ERBB4: variants seen among roughly 807,000 people sequenced by gnomAD.
ERBB4 encodes receptor tyrosine-protein kinase erbB-4.
ERBB4 carries 42 observed loss-of-function variants against 158.0 expected under a neutral mutation model. The ratio of observed to expected loss-of-function variants is 0.27; its 90% CI spans 0.21 to 0.34. The LOEUF is 0.34. Ranked by LOEUF, ERBB4 falls within the 10% of genes least tolerant of loss-of-function variation. The pLI, the probability that ERBB4 is intolerant of heterozygous loss-of-function variation, is 1.00. For missense variants in ERBB4, 1,333 were observed against 1,624.1 expected, an observed-to-expected ratio of 0.82 and a Z score of 3.08; for synonymous variants, 583 against 558.7, an observed-to-expected ratio of 1.04 and a Z score of -0.61.
chr2:211,438,207 T>C (rs2063898748), intron 20 of ERBB4, among the ~76,000 whole-genome samples: 1 of 152,222 alleles, frequency 6.6e-6, no homozygotes, highest in Admixed American at 6.5e-5. Context: ...CTGAGGTTAC[T>C]GCTAGCTTTA....
At chr2:211,978,735 T>C (rs1386237646) in intron 2 of ERBB4, among the ~76,000 whole-genome samples, 1 of 152,182 alleles carries the variant, frequency 6.6e-6, no homozygotes, top group Admixed American at 6.5e-5. Context: ...AGTACCATAC[T>C]CAATTCCTCC....
chr2:211,675,127 A>C (rs1330063874), intron 13 of ERBB4, among the ~76,000 whole-genome samples: 1 of 151,906 alleles, frequency 6.6e-6, no homozygotes, highest in East Asian at 1.9e-4. Context: ...TCCTCTAGTG[A>C]TTCTATTGTG....
At chr2:211,538,827 A>G (rs1156334345) in intron 20 of ERBB4, among the ~76,000 whole-genome samples, 1 of 151,882 alleles carries the variant, frequency 6.6e-6, no homozygotes. Flanking sequence ...GTGAATATGA[A>G]TATGTGTATG....
chr2:212,380,283 GT>G lies in ERBB4; in HGVS notation c.82+158165del, dbSNP rs200646286. 7.3e-3 allele frequency among the ~76,000 whole-genome samples: 1,104 copies of G among 151,126 alleles called. 10 individuals are homozygous for G. The highest frequency in any genetic ancestry group is 0.01 in the Middle Eastern group (3 of 294). ...TTGACACTATTCTACATCTAATAAA[GT>G]TAAAAAAACTATTTAAATAGCAATT... On this transcript the variant is annotated intron_variant, in intron 1 of 27. Coordinates refer to ENST00000342788, the MANE Select transcript of ERBB4 (RefSeq NM_005235.3).
chr2:211,927,758 G>C (rs2125091371), intron 3 of ERBB4, among the ~76,000 whole-genome samples: 1 of 152,044 alleles, frequency 6.6e-6, no homozygotes, highest in East Asian at 1.9e-4. Flanking sequence ...CAGTTTATTG[G>C]CTAGTTGGTT....
chr2:212,375,985 AC>A (rs1239421898), intron 1 of ERBB4, among the ~76,000 whole-genome samples: 1 of 152,080 alleles, frequency 6.6e-6, no homozygotes, highest in African/African-American at 2.4e-5. Context: ...GCAGTGGCAG[AC>A]CCATCCACAT....
chr2:211,706,624 A>G (rs576549005), intron 9 of ERBB4, among the ~76,000 whole-genome samples: 1 of 151,980 alleles, frequency 6.6e-6, no homozygotes, highest in Non-Finnish European at 1.5e-5. Context: ...AACAAAAAAA[A>G]CTTTGCTTGA....
At chr2:212,371,656 T>G (rs534443859) in intron 1 of ERBB4, among the ~76,000 whole-genome samples, 61 of 152,318 alleles carry the variant, frequency 4.0e-4, no homozygotes, top group Non-Finnish European at 7.2e-4. Flanking sequence ...AGATGGTCAG[T>G]TAAGCAATTT....
At chr2:211,504,100 A>G (rs2065684508) in intron 20 of ERBB4, among the ~76,000 whole-genome samples, 2 of 152,252 alleles carry the variant, frequency 1.3e-5, no homozygotes, top group South Asian at 4.1e-4. Flanking sequence ...ACATCATTGT[A>G]CAGTGCTCAG....
chr2:212,435,107 A>G (rs2092109363), intron 1 of ERBB4, among the ~76,000 whole-genome samples: 1 of 152,020 alleles, frequency 6.6e-6, no homozygotes, highest in Non-Finnish European at 1.5e-5. Flanking sequence ...AATTGTTTTT[A>G]AAGCTATGAG....
chr2:211,621,742 CG>C (rs1166756907), intron 18 of ERBB4, among the ~76,000 whole-genome samples: 2 of 152,048 alleles, frequency 1.3e-5, no homozygotes, highest in Admixed American at 1.3e-4. Context: ...AATGGAAGTA[CG>C]TTATAATACA....
chr2:211,493,339 A>G (rs62178804), intron 20 of ERBB4, among the ~76,000 whole-genome samples: 12,250 of 152,140 alleles, frequency 0.081, 519 homozygotes, highest in Middle Eastern at 0.15. Flanking sequence ...TATTGAACAG[A>G]CAAAACAATA....
intron 3 of ERBB4, among the ~76,000 whole-genome samples, chr2:211,809,439 T>A (rs1317852992): frequency 6.6e-6 from 1 of 152,202 alleles, no homozygotes; most frequent in South Asian, 2.1e-4. Flanking sequence ...TGTCCAGGAA[T>A]TTATCCATTT....
intron 27 of ERBB4, among the ~76,000 whole-genome samples, chr2:211,386,341 C>T (rs1001538991): frequency 6.6e-6 from 1 of 151,968 alleles, no homozygotes; most frequent in Non-Finnish European, 1.5e-5. Flanking sequence ...TTTTGAAAAA[C>T]GTCATATAAG....
At chr2:212,362,089 G>A (rs771258937) in intron 1 of ERBB4, among the ~76,000 whole-genome samples, 14 of 151,494 alleles carry the variant, frequency 9.2e-5, no homozygotes, top group Non-Finnish European at 1.0e-4. Flanking sequence ...AACTTTCAAA[G>A]AGTTATAATA....
At chr2:211,936,070 A>G (rs945539926) in intron 3 of ERBB4, among the ~76,000 whole-genome samples, 1 of 152,132 alleles carries the variant, frequency 6.6e-6, no homozygotes, top group Non-Finnish European at 1.5e-5. Context: ...AGAATTTATT[A>G]TTGTGTTCTT....
chr2:211,594,502 A>G (rs2068574030), intron 19 of ERBB4, among the ~76,000 whole-genome samples: 1 of 152,098 alleles, frequency 6.6e-6, no homozygotes, highest in Non-Finnish European at 1.5e-5. Flanking sequence ...AATTTTGTAG[A>G]CCATTCAGAA....
chr2:211,755,391 A>G (rs2075267470), intron 4 of ERBB4, among the ~76,000 whole-genome samples: 2 of 152,022 alleles, frequency 1.3e-5, no homozygotes, highest in African/African-American at 4.8e-5. Context: ...TGTCCCAGCT[A>G]CTCTGGAGGT....
chr2:212,301,617 T>C lies in ERBB4; in HGVS notation c.83-176714A>G, dbSNP rs552807297. On this transcript the variant is annotated intron_variant, in intron 1 of 27. Transcript: ENST00000342788. ...GGAACTCTCTCCAGTGTAGTAACTTTTGTAACAGGTCCTAATATTGTCAGT... is the reference window on the plus strand; with the variant it reads ...GGAACTCTCTCCAGTGTAGTAACTTCTGTAACAGGTCCTAATATTGTCAGT... 4.8e-4 allele frequency among the ~76,000 whole-genome samples: 73 copies of C among 151,452 alleles called. 5 individuals carry two copies. The South Asian group carries it at 0.015, about 31-fold the overall frequency.
Sources: gnomAD v4.1 joint callset for allele counts (sites outside exome capture counted in the v4.1 genomes callset) on GRCh38, gnomAD v4.1.1 for gene constraint, MANE v1.5 for transcripts, NCBI Gene and HGNC (gene_info 2026-07-23, HGNC 2026-07-21) for gene names.